XPO7: variants seen among roughly 807,000 people sequenced by gnomAD.
The protein encoded by XPO7 is exportin-7.
XPO7 carries 21 observed loss-of-function variants against 144.3 expected under a neutral mutation model. The ratio of observed to expected loss-of-function variants is 0.15; its 90% CI spans 0.10 to 0.21. XPO7 has a LOEUF of 0.21. XPO7 is among the 10% of genes least tolerant of loss of function. XPO7 has a pLI of 1.00. For synonymous variants in XPO7, 580 were observed against 499.6 expected (o/e 1.16, Z -2.15); for missense variants, 808 against 1,325.8 (o/e 0.61, Z 6.06).
At chr8:21,987,928 C>A (rs1468997128) in intron 15 of XPO7, 71 bp downstream of exon 15, 2 of 1,486,542 alleles carry the variant, frequency 1.3e-6, no homozygotes, top group Non-Finnish European at 1.9e-6. Flanking sequence ...GTGATCTTGG[C>A]ATTGTGCTGC....
At position 22,005,114 on chromosome 8, in the gene XPO7, G is replaced by A. The variant is rs571992714; in HGVS notation, c.*26G>A. ...CACCTCCTTGGACTCTACCTGTACA[G>A]AGCAGCGTCCCTTTGGTTTGGCCCA... On this transcript the variant is annotated 3_prime_UTR_variant, in exon 28 of 28. Coordinates refer to ENST00000252512, the MANE Select transcript of XPO7 (RefSeq NM_015024.5). 8.3e-6 allele frequency: 13 copies of A among 1,571,266 alleles called. No individual in the cohort carries two copies. The East Asian group carries it at 2.3e-4, about 28-fold the overall frequency.
At chr8:21,985,300 C>T (rs1284119218) in intron 12 of XPO7, among the ~76,000 whole-genome samples, 1 of 152,212 alleles carries the variant, frequency 6.6e-6, no homozygotes, top group Admixed American at 6.5e-5. Context: ...TTTACCGGGC[C>T]TGGCTGGTGT....
In XPO7 at chr8:21,977,780, T is replaced by C; in HGVS notation, c.774T>C (p.Asp258=). ...IPTSWRSAFL[D]SSTLQLFFDL... ...CTTTTTCTTCCCCAGCCTTCTTAGA[T>C]TCTTCAACCTTGCAGCTGTTTTTTG... The change falls in exon 8 of 28, where the codon GAT becomes GAC. Residue 258 remains aspartate, a synonymous_variant. Transcript: ENST00000252512. The C allele has an allele frequency of 6.2e-7, 1 of 1,614,008 alleles. No individual in the cohort carries two copies. Among genetic ancestry groups the C allele is most frequent in the East Asian group, 2.2e-5 (1 of 44,886 alleles).
intron 1 of XPO7, chr8:21,964,216 G>A (rs1386352316): frequency 6.6e-6 from 1 of 152,112 alleles, no homozygotes; most frequent in African/African-American, 2.4e-5. Flanking sequence ...ATTCTTCTCT[G>A]GAGGATTTTC....
intron 6 of XPO7, among the ~76,000 whole-genome samples, chr8:21,975,165 T>C (rs1438794007): frequency 6.6e-6 from 1 of 152,232 alleles, no homozygotes; most frequent in Non-Finnish European, 1.5e-5. Context: ...TTCTTAGTGC[T>C]CTGAAAGTAG....
chr8:21,966,506 T>G (rs555648072), intron 1 of XPO7, among the ~76,000 whole-genome samples: 1 of 152,242 alleles, frequency 6.6e-6, no homozygotes, highest in African/African-American at 2.4e-5. Flanking sequence ...TTCACACTTT[T>G]TACATTAATA....
intron 16 of XPO7, among the ~76,000 whole-genome samples, 164 bp downstream of exon 16, chr8:21,989,247 T>C (rs904183481): frequency 2.6e-5 from 4 of 152,212 alleles, no homozygotes; most frequent in African/African-American, 9.7e-5. Flanking sequence ...ATGCAGAATA[T>C]AGGAATAATT....
intron 1 of XPO7, among the ~76,000 whole-genome samples, chr8:21,927,558 T>A (rs4872113): frequency 6.5e-5 from 9 of 139,086 alleles, no homozygotes; most frequent in East Asian, 6.5e-4. Flanking sequence ...TTTTTTTTTT[T>A]TCTTAAGATG....
At chr8:21,920,197 C>T (rs928311786) in intron 1 of XPO7, among the ~76,000 whole-genome samples, 4 of 151,310 alleles carry the variant, frequency 2.6e-5, no homozygotes, top group East Asian at 2.0e-4. Context: ...CGCCCGCCAT[C>T]CCTCAGCAGA....
intron 1 of XPO7, among the ~76,000 whole-genome samples, chr8:21,924,440 G>GC (rs1224863072): frequency 6.7e-6 from 1 of 150,060 alleles, no homozygotes; most frequent in Admixed American, 6.6e-5. Context: ...GCTACCTGTA[G>GC]CCCCCCTCCC....
chr8:21,952,752 G>T (rs890728642), intron 1 of XPO7, among the ~76,000 whole-genome samples: 1 of 152,204 alleles, frequency 6.6e-6, no homozygotes, highest in African/African-American at 2.4e-5. Flanking sequence ...TTCAGCTAGA[G>T]AATTGTAACC....
chr8:21,938,773 ATCATTAAAAAAAAAATGTCATAGAGAAC>A (rs1810897646), intron 1 of XPO7, among the ~76,000 whole-genome samples: 1 of 152,120 alleles, frequency 6.6e-6, no homozygotes, highest in African/African-American at 2.4e-5. Context: ...ATGAAAATAC[ATCATTAAAAAAAAAATGTCATAGAGAAC>A]TCATGGAGCA....
In XPO7 at chr8:21,942,823, T is replaced by C. The variant is rs538957862; in HGVS notation, c.18+23035T>C. Reference sequence around the variant, plus strand: ...CAATGTCACAAGATGTGTCCTCAAGTTGAGATTTAGTAAAAATAATTTTTT... The same window carrying C: ...CAATGTCACAAGATGTGTCCTCAAGCTGAGATTTAGTAAAAATAATTTTTT... On this transcript the variant is annotated intron_variant, in intron 1 of 27. Coordinates refer to ENST00000252512, the MANE Select transcript of XPO7 (RefSeq NM_015024.5). Among the ~76,000 whole-genome samples the C allele has an allele frequency of 1.4e-4, 21 of 152,370 alleles. No homozygotes were observed. In the South Asian group the frequency reaches 4.3e-3, roughly 32 times the overall value.
rs776835349 is a variant in XPO7, at chr8:21,984,814, C to G, written c.1446C>G (p.Ser482Arg). The stretch of plus-strand genomic sequence containing the variant: ...AGCTGCTACAGAGCGCCAGCGCAAG[C>G]CCAATGGACATTGCAGTGCAGGAGG... ...YQELLQSASA[S>R]PMDIAVQEGR... is the part of the protein sequence containing the mutation. The change falls in exon 12 of 28, where the codon AGC becomes AGG. Residue 482 changes from serine to arginine, a missense_variant. By Grantham distance (110) the Ser-to-Arg change is moderately radical. Around this residue, in one of 5 missense-constraint regions of XPO7, gnomAD observed 416 missense variants for 612.5 expected, o/e 0.68. Coordinates refer to ENST00000252512, the MANE Select transcript of XPO7 (RefSeq NM_015024.5). 1.2e-6 allele frequency: 2 copies of G among 1,613,800 alleles called. No homozygotes were observed. The highest frequency in any genetic ancestry group is 2.7e-5 in the African/African-American group (2 of 74,920).
rs536882252 is a variant in XPO7, at chr8:22,002,034, A to G, written c.2783-78A>G. 8.0e-6 allele frequency: 12 copies of G among 1,497,876 alleles called. No homozygotes were observed. The African/African-American group carries it at 1.7e-4, about 21-fold the overall frequency. The allele number at this position is 1,497,876 out of a possible 1,614,324, so 92.8% of individuals were successfully genotyped here. ...TGAATTGGCCACGGTACCCTAATGG[A>G]TCTCACCCAAAGATAGTCCATATTT... is the stretch of plus-strand genomic sequence containing the variant. On this transcript the variant is annotated intron_variant, in intron 24 of 27. Coordinates refer to ENST00000252512, the MANE Select transcript of XPO7 (RefSeq NM_015024.5).
At chr8:21,983,079 G>GTTTGTCCTT (rs1812457566) in intron 11 of XPO7, among the ~76,000 whole-genome samples, 3 of 152,092 alleles carry the variant, frequency 2.0e-5, no homozygotes, top group Non-Finnish European at 4.4e-5. Context: ...TCCATATAAT[G>GTTTGTCCTT]TTTGTCCTTG....
At position 22,004,051 on chromosome 8, in the gene XPO7, C is replaced by T. The variant is rs760495821; in HGVS notation, c.3170+21C>T. 2.5e-6 allele frequency: 4 copies of T among 1,612,016 alleles called. No homozygotes were observed. In the South Asian group the frequency reaches 3.3e-5, roughly 13 times the overall value. On this transcript the variant is annotated intron_variant, in intron 27 of 27. Coordinates refer to ENST00000252512, the MANE Select transcript of XPO7 (RefSeq NM_015024.5). ...GACAGGTGAGTATAAAGCGTCCTGCCTAGAAATCTCAGACAATTGCTATTT... is the reference window on the plus strand; with the variant it reads ...GACAGGTGAGTATAAAGCGTCCTGCTTAGAAATCTCAGACAATTGCTATTT...
At chr8:21,988,118 G>C (rs911909345) in intron 15 of XPO7, among the ~76,000 whole-genome samples, 35 of 152,180 alleles carry the variant, frequency 2.3e-4, no homozygotes, top group African/African-American at 8.4e-4. Context: ...GTGAAACTCT[G>C]TCATGTCATT....
chr8:21,931,169 T>TC (rs1491575703), intron 1 of XPO7, among the ~76,000 whole-genome samples: 8 of 135,878 alleles, frequency 5.9e-5, no homozygotes, highest in South Asian at 6.3e-4. Context: ...TCTCTCTCTC[T>TC]TTTTTTTTTT....
Sources: allele counts gnomAD v4.1 joint callset (sites outside exome capture counted in the v4.1 genomes callset), GRCh38; gene constraint gnomAD v4.1.1; regional missense constraint gnomAD v4.1.1; transcripts MANE v1.5; gene names NCBI Gene and HGNC (gene_info 2026-07-23, HGNC 2026-07-21).